NIPSNAP3B: variants seen among roughly 807,000 people sequenced by gnomAD.
The protein encoded by NIPSNAP3B is protein NipSnap homolog 3B.
In NIPSNAP3B, 30 loss-of-function variants were observed where a neutral mutation model predicts 31.5. The ratio of observed to expected loss-of-function variants is 0.95; its 90% CI spans 0.71 to 1.29. NIPSNAP3B has a LOEUF of 1.29. Ranked by LOEUF, NIPSNAP3B falls within the 50% of genes most tolerant of loss-of-function variation. The probability of loss-of-function intolerance (pLI) is 0.00; values close to 1 mark genes in which losing one functional copy is unlikely to be tolerated. For missense variants in NIPSNAP3B, 269 were observed against 300.7 expected (o/e 0.89, Z 0.78); for synonymous variants, 106 against 107.9 (o/e 0.98, Z 0.11).
rs940458832 is a variant in NIPSNAP3B, at chr9:104,775,240, A to G, written c.*2167A>G. On this transcript the variant is annotated 3_prime_UTR_variant, in exon 6 of 6. Transcript: ENST00000374762. ...TCACCCCATTTTTTTCCTTTACAAT[A>G]TGACTCAAAAGAGTAGTTCATACTT... Among the ~76,000 whole-genome samples, 1 of 151,146 alleles carries G rather than the reference A, an allele frequency of 6.6e-6. No homozygotes were observed. Among genetic ancestry groups the G allele is most frequent in the Non-Finnish European group, 1.5e-5 (1 of 67,916 alleles).
At chr9:104,765,415 A>G (rs546318246) in intron 1 of NIPSNAP3B, among the ~76,000 whole-genome samples, 2 of 152,218 alleles carry the variant, frequency 1.3e-5, no homozygotes, top group African/African-American at 4.8e-5. Flanking sequence ...GTGTGTTTAC[A>G]TAAATATTTG....
At position 104,772,995 on chromosome 9, in the gene NIPSNAP3B, A is replaced by G. The variant is rs957808488; in HGVS notation, c.668-2A>G. 1.2e-6 allele frequency: 2 copies of G among 1,613,986 alleles called. No homozygotes were observed. Among genetic ancestry groups the G allele is most frequent in the African/African-American group, 1.3e-5 (1 of 74,942 alleles). On this transcript the variant is annotated splice_acceptor_variant, in intron 5 of 5. Transcript: ENST00000374762. LOFTEE classifies it high-confidence loss of function. ...ATGCCTTCTTATGAAATGTTTTTCCAGTTCGGGAAAGTGTCAACTACCTAG... is the reference window on the plus strand; with the variant it reads ...ATGCCTTCTTATGAAATGTTTTTCCGGTTCGGGAAAGTGTCAACTACCTAG...
the NIPSNAP3B span, chr9:104,784,041 T>A: frequency 2.5e-6 from 1 of 403,360 alleles, no homozygotes. Context: ...TCCATTGGGT[T>A]CCATAATAGA....
the NIPSNAP3B span, chr9:104,785,751 C>T: frequency 4.5e-3 from 6,012 of 1,324,406 alleles, 22 homozygotes; most frequent in Non-Finnish European, 5.4e-3. Context: ...CCTGGCAGGC[C>T]CAGAAATAAG....
At chr9:104,786,977 C>A in the NIPSNAP3B span, 1 of 1,611,634 alleles carries the variant, frequency 6.2e-7, no homozygotes, top group Non-Finnish European at 8.5e-7. Flanking sequence ...TGGGTTCATC[C>A]TGTAATTAGA....
chr9:104,769,453 C>CAAAAAAAA (rs34083177), intron 3 of NIPSNAP3B, among the ~76,000 whole-genome samples: 6 of 109,408 alleles, frequency 5.5e-5, no homozygotes, highest in Admixed American at 2.2e-4. Context: ...GACTCCGTCT[C>CAAAAAAAA]AAAAAAAAAA....
In NIPSNAP3B at chr9:104,766,550, A is replaced by T; in HGVS notation, c.271+15A>T. 1 of 1,603,126 alleles carries T rather than the reference A, an allele frequency of 6.2e-7. No individual in the cohort carries two copies. Among genetic ancestry groups the T allele is most frequent in the Non-Finnish European group, 8.5e-7 (1 of 1,170,984 alleles). ...TTGGAAGTATGGTAAAGAGTCATCC[A>T]GTTTTAGTATTCAGTATAGATTTTC... On this transcript the variant is annotated intron_variant, in intron 2 of 5. Coordinates refer to ENST00000374762, the MANE Select transcript of NIPSNAP3B (RefSeq NM_018376.4).
downstream of NIPSNAP3B, among the ~76,000 whole-genome samples, chr9:104,778,469 C>G (rs765040829): frequency 3.4e-4 from 51 of 152,128 alleles, no homozygotes; most frequent in Non-Finnish European, 5.3e-4. Context: ...TCAAGTGATC[C>G]ACCCGTCTCG....
chr9:104,785,464 T>C, the NIPSNAP3B span: 1 of 1,613,518 alleles, frequency 6.2e-7, no homozygotes, highest in Non-Finnish European at 8.5e-7. Flanking sequence ...TGGGAGAGGA[T>C]GCTGAATATC....
At chr9:104,788,458 A>G in the NIPSNAP3B span, 2 of 1,614,158 alleles carry the variant, frequency 1.2e-6, no homozygotes, top group Middle Eastern at 1.7e-4. Context: ...ACTCCTCTCA[A>G]AAGGGCAAAG....
Position 104,768,983 on chromosome 9 carries a change from T to C in NIPSNAP3B, c.392T>C (p.Leu131Pro), listed in dbSNP as rs140671073. The part of the protein sequence containing the change: ...IDKQETEITY[L>P]IPWSKLEKPP... ...AAACAAGAGACGGAAATTACTTACC[T>C]GATACCATGGTCCAAATTAGAAAAG... Residue 131 changes from leucine (L) to proline (P), a missense_variant, in exon 3 of 6, where the codon CTG becomes CCG. By Grantham distance (98) the Leu-to-Pro change is moderately conservative. Coordinates refer to ENST00000374762, the MANE Select transcript of NIPSNAP3B (RefSeq NM_018376.4). The C allele has an allele frequency of 7.6e-5, 123 of 1,613,616 alleles. No individual in the cohort carries two copies. The highest frequency in any genetic ancestry group is 9.7e-5 in the Non-Finnish European group (115 of 1,179,808).
At chr9:104,788,578 C>T in the NIPSNAP3B span, 1 of 1,614,084 alleles carries the variant, frequency 6.2e-7, no homozygotes, top group Non-Finnish European at 8.5e-7. Flanking sequence ...CTGCAAAGGA[C>T]AAGAAAACTA....
At chr9:104,772,728 A>G (rs1588169469) in intron 4 of NIPSNAP3B, 94 bp from the exon 5 acceptor site, 1 of 1,420,868 alleles carries the variant, frequency 7.0e-7, no homozygotes. Flanking sequence ...ATTTTGATTT[A>G]AAGAATAAGA....
the NIPSNAP3B span, chr9:104,787,903 T>A: frequency 6.2e-7 from 1 of 1,613,824 alleles, no homozygotes; most frequent in Non-Finnish European, 8.5e-7. Flanking sequence ...CAGTTTTCCA[T>A]CCACAGTTAT....
Position 104,776,079 on chromosome 9 carries a change from A to G in NIPSNAP3B, c.*3006A>G, listed in dbSNP as rs921352894. ...CTCAACACCCCCTCCCAATACCTTC[A>G]TGTCATCCTCAGAGTTATTGTCCAA... is the stretch of plus-strand genomic sequence containing the variant. On this transcript the variant is annotated 3_prime_UTR_variant, in exon 6 of 6. Coordinates refer to ENST00000374762, the MANE Select transcript of NIPSNAP3B (RefSeq NM_018376.4). 6.8e-4 allele frequency among the ~76,000 whole-genome samples: 104 copies of G among 152,214 alleles called. No individual in the cohort carries two copies. The highest frequency in any genetic ancestry group is 2.5e-3 in the African/African-American group (102 of 41,528).
the NIPSNAP3B span, chr9:104,785,332 C>T: frequency 2.4e-5 from 39 of 1,601,490 alleles, 1 homozygote; most frequent in African/African-American, 9.4e-5. Context: ...GACCTATGGG[C>T]GGGAGTGTCG....
At chr9:104,784,350 GA>G in the NIPSNAP3B span, 1 of 1,614,092 alleles carries the variant, frequency 6.2e-7, no homozygotes, top group Non-Finnish European at 8.5e-7. Flanking sequence ...TCATCCTGTA[GA>G]AAAGATGTGA....
chr9:104,764,251 T>G lies in NIPSNAP3B; in HGVS notation c.11T>G (p.Leu4Arg), dbSNP rs753239047. Residue 4 changes from leucine (L) to arginine (R), a missense_variant, in exon 1 of 6, where the codon CTC becomes CGC. Physicochemically the swap from Leu to Arg is moderately radical, Grantham distance 102. Transcript: ENST00000374762. ...TGCCGAAGCCGCGCCATGCTCGTTCTCAGAAGCGGCCTGACCAAGGCGCTT... is the reference window on the plus strand; with the variant it reads ...TGCCGAAGCCGCGCCATGCTCGTTCGCAGAAGCGGCCTGACCAAGGCGCTT... MLV[L>R]RSGLTKALAS... 3 of 1,601,658 alleles carry G rather than the reference T, an allele frequency of 1.9e-6. No homozygotes were observed. The African/African-American group carries it at 4.0e-5, about 21-fold the overall frequency.
chr9:104,780,382 G>A (rs1828450730), downstream of NIPSNAP3B, among the ~76,000 whole-genome samples: 1 of 152,174 alleles, frequency 6.6e-6, no homozygotes, highest in South Asian at 2.1e-4. Context: ...CTGTTTGACA[G>A]GGATTCTTCA....
Sources: gnomAD v4.1 joint callset for allele counts (sites outside exome capture counted in the v4.1 genomes callset) on GRCh38, gnomAD v4.1.1 for gene constraint, MANE v1.5 for transcripts, NCBI Gene and HGNC (gene_info 2026-07-23, HGNC 2026-07-21) for gene names.